Variants in PLXDC1 observed in about 807,000 individuals in gnomAD.
The protein encoded by PLXDC1 is plexin domain containing 1.
PLXDC1 carries 39 observed loss-of-function variants against 61.3 expected under a neutral mutation model. That is an observed-to-expected ratio of 0.64 (90% CI 0.49 to 0.83). The LOEUF is 0.83. Among genes scored for constraint, PLXDC1 ranks in the 40% least tolerant of loss-of-function variants. The pLI is 0.00. For missense variants in PLXDC1, 596 were observed against 666.5 expected, an observed-to-expected ratio of 0.89 and a Z score of 1.17; for synonymous variants, 212 against 254.5, an observed-to-expected ratio of 0.83 and a Z score of 1.59.
chr17:39,081,641 T>C (rs12952345), intron 9 of PLXDC1, among the ~76,000 whole-genome samples: 33,880 of 128,690 alleles, frequency 0.26, 4,813 homozygotes, highest in Admixed American at 0.44. Flanking sequence ...AAAAAAAAAA[T>C]GCTTCTTGAT....
intron 7 of PLXDC1, among the ~76,000 whole-genome samples, chr17:39,100,855 AG>A (rs974841909): frequency 6.6e-6 from 1 of 152,188 alleles, no homozygotes; most frequent in East Asian, 1.9e-4. Flanking sequence ...CTGGGAGCGC[AG>A]GGGGCTAAGG....
At chr17:39,124,930 C>T (rs1161532860) in intron 2 of PLXDC1, among the ~76,000 whole-genome samples, 1 of 152,186 alleles carries the variant, frequency 6.6e-6, no homozygotes, top group African/African-American at 2.4e-5. Flanking sequence ...CCTCCCACCT[C>T]AGCCTCTTGA....
chr17:39,070,827 A>G (rs2143232729), intron 12 of PLXDC1, among the ~76,000 whole-genome samples: 1 of 152,244 alleles, frequency 6.6e-6, no homozygotes, highest in South Asian at 2.1e-4. Context: ...AAAATACAAA[A>G]ATTAGCCAGG....
intron 2 of PLXDC1, among the ~76,000 whole-genome samples, chr17:39,128,103 A>ATATGTATATATATGTGTATATATATG (rs1388209830): frequency 1.2e-5 from 1 of 84,902 alleles, no homozygotes; most frequent in African/African-American, 5.0e-5. Flanking sequence ...ATGTGTATAT[A>ATATGTATATATATGTGTATATATATG]TATATATATA....
At chr17:39,101,373 G>T (rs2143617405) in intron 7 of PLXDC1, among the ~76,000 whole-genome samples, 1 of 152,296 alleles carries the variant, frequency 6.6e-6, no homozygotes, top group South Asian at 2.1e-4. Context: ...AGGCCACTGG[G>T]GCACAAAGGC....
intron 2 of PLXDC1, among the ~76,000 whole-genome samples, chr17:39,126,111 G>A (rs765660806): frequency 2.0e-5 from 3 of 152,204 alleles, no homozygotes; most frequent in South Asian, 2.1e-4. Context: ...AAAATTAGCC[G>A]GATGTGGTGG....
chr17:39,123,969 C>T (rs536447006), intron 2 of PLXDC1, among the ~76,000 whole-genome samples: 9 of 152,042 alleles, frequency 5.9e-5, no homozygotes, highest in Non-Finnish European at 1.0e-4. Context: ...ACCCAGGAGG[C>T]GTGGATGGGA....
At chr17:39,145,145 A>G (rs889756521) in intron 1 of PLXDC1, among the ~76,000 whole-genome samples, 3 of 152,110 alleles carry the variant, frequency 2.0e-5, no homozygotes, top group African/African-American at 7.2e-5. Flanking sequence ...ACTGTTTCCC[A>G]GGGTGCAGGG....
At chr17:39,108,469 A>G (rs1454326899) in intron 4 of PLXDC1, 3 of 575,744 alleles carry the variant, frequency 5.2e-6, no homozygotes, top group South Asian at 2.1e-5. Context: ...GGCACAGACT[A>G]TAGGGCGAGG....
At chr17:39,108,495 A>C (rs1598200343) in intron 4 of PLXDC1, 1 of 560,694 alleles carries the variant, frequency 1.8e-6, no homozygotes, top group East Asian at 3.0e-5. Flanking sequence ...GGAAGAGGAG[A>C]GGACTCACAG....
chr17:39,086,616 C>T (rs1196930337), intron 8 of PLXDC1, among the ~76,000 whole-genome samples: 1 of 151,876 alleles, frequency 6.6e-6, no homozygotes, highest in Non-Finnish European at 1.5e-5. Context: ...AATCCCAGCA[C>T]TTTGGGAGGC....
Position 39,065,894 on chromosome 17 carries a change from G to T in PLXDC1, c.*1946C>A, listed in dbSNP as rs35709310. 33,640 of 152,596 alleles carry T rather than the reference G, an allele frequency of 0.22. 4,791 individuals carry two copies. The highest frequency in any genetic ancestry group is 0.4 in the Admixed American group (6,086 of 15,270). The allele number at this position is 152,596 out of a possible 1,614,324, so 9.5% of individuals were successfully genotyped here. A position where few individuals can be genotyped will look rare whatever the true frequency, so the allele number is the denominator to read the frequency against. On this transcript the variant is annotated 3_prime_UTR_variant, in exon 14 of 14. Coordinates refer to ENST00000315392, the MANE Select transcript of PLXDC1 (RefSeq NM_020405.5). ...CTCCCCACCCCACAGGCACATGCAGGCTCCAGGGAAAGCAAGTAGTTGGCA... is the reference window on the plus strand; with the variant it reads ...CTCCCCACCCCACAGGCACATGCAGTCTCCAGGGAAAGCAAGTAGTTGGCA...
At chr17:39,107,558 G>T in intron 5 of PLXDC1, 33 bp from the exon 6 acceptor site, 3 of 1,487,964 alleles carry the variant, frequency 2.0e-6, no homozygotes, top group Non-Finnish European at 2.8e-6. Flanking sequence ...GGCTGGACGG[G>T]AGATCATGCA....
intron 2 of PLXDC1, among the ~76,000 whole-genome samples, chr17:39,130,161 A>G (rs72823322): frequency 0.077 from 11,639 of 152,056 alleles, 633 homozygotes; most frequent in Middle Eastern, 0.2. Flanking sequence ...GGGTAATGAA[A>G]ATGTTTTGGG....
At chr17:39,139,932 A>T in intron 1 of PLXDC1, 100 bp from the exon 2 acceptor site, 1 of 1,190,738 alleles carries the variant, frequency 8.4e-7, no homozygotes, top group Non-Finnish European at 1.2e-6. Context: ...ACACCATGCC[A>T]CTGTAGAATT....
intron 2 of PLXDC1, among the ~76,000 whole-genome samples, chr17:39,134,829 C>T (rs1331766229): frequency 6.6e-6 from 1 of 151,960 alleles, no homozygotes; most frequent in Admixed American, 6.6e-5. Flanking sequence ...GAAAGGGGAG[C>T]ACAAGCCCCT....
intron 2 of PLXDC1, among the ~76,000 whole-genome samples, chr17:39,129,729 A>AAAG (rs368912357): frequency 0.025 from 979 of 39,136 alleles, 11 homozygotes; most frequent in South Asian, 0.11. Flanking sequence ...AGAAAGAAAG[A>AAAG]AAAGAAAGAA....
At chr17:39,132,306 A>G (rs1050210427) in intron 2 of PLXDC1, among the ~76,000 whole-genome samples, 5 of 151,788 alleles carry the variant, frequency 3.3e-5, no homozygotes, top group Non-Finnish European at 5.9e-5. Context: ...GACTCAGCAC[A>G]TCCCAGGATC....
intron 7 of PLXDC1, among the ~76,000 whole-genome samples, chr17:39,090,736 GTTC>G (rs1354246752): frequency 6.6e-6 from 1 of 152,192 alleles, no homozygotes; most frequent in Admixed American, 6.5e-5. Context: ...CTTTTTTGCT[GTTC>G]TTCTCATGGC....
Sources: gnomAD v4.1 joint callset for allele counts (sites outside exome capture counted in the v4.1 genomes callset) on GRCh38, gnomAD v4.1.1 for gene constraint, MANE v1.5 for transcripts, NCBI Gene and HGNC (gene_info 2026-07-23, HGNC 2026-07-21) for gene names.